Variants in OGDH observed in about 807,000 individuals in gnomAD.
OGDH encodes 2-oxoglutarate dehydrogenase complex component E1.
A neutral mutation model predicts 116.6 loss-of-function variants in OGDH; 38 were observed. The ratio of observed to expected loss-of-function variants is 0.33; its 90% CI spans 0.25 to 0.43. The LOEUF is 0.43. Ranked by LOEUF, OGDH falls within the 20% of genes least tolerant of loss-of-function variation. The pLI is 1.00. For missense variants in OGDH, 825 were observed against 1,357.2 expected (o/e 0.61, Z 6.16); for synonymous variants, 488 against 533.3 (o/e 0.92, Z 1.17).
chr7:44,681,361 G>T (rs1787921687), intron 9 of OGDH, among the ~76,000 whole-genome samples: 2 of 152,330 alleles, frequency 1.3e-5, no homozygotes, highest in South Asian at 4.1e-4. Flanking sequence ...AAAGAGACCT[G>T]GCAAGTGATG....
At position 44,693,035 on chromosome 7, in the gene OGDH, G is replaced by A. The variant is rs559501749; in HGVS notation, c.1336-790G>A. On this transcript the variant is annotated intron_variant, in intron 10 of 22. Transcript: ENST00000222673. ...AAAAAAAAAAAAATTCTTGCTGGGC[G>A]TGGTGGCTCACTCCTGTAATCCCAG... Among the ~76,000 whole-genome samples, 40 of 151,064 alleles carry A rather than the reference G, an allele frequency of 2.6e-4. 1 individual carries two copies. Among genetic ancestry groups the A allele is most frequent in the Admixed American group, 1.5e-3 (22 of 15,154 alleles).
Position 44,701,630 on chromosome 7 carries a change from G to A in OGDH, c.2632+15G>A, listed in dbSNP as rs1788835087. 6.2e-7 allele frequency: 1 copy of A among 1,612,708 alleles called. No individual in the cohort carries two copies. The highest frequency in any genetic ancestry group is 1.1e-5 in the South Asian group (1 of 91,052). ...GATGCTTCCAGGTGGGTGTGAGGGA[G>A]ATGGGCATTTCCTTGGGGGAAGCTA... On this transcript the variant is annotated intron_variant, in intron 20 of 22. Coordinates refer to ENST00000222673, the MANE Select transcript of OGDH (RefSeq NM_002541.4).
intron 2 of OGDH, among the ~76,000 whole-genome samples, chr7:44,641,321 G>C (rs1437398989): frequency 1.3e-5 from 2 of 148,700 alleles, no homozygotes; most frequent in Non-Finnish European, 3.0e-5. Flanking sequence ...TGCCTCCCAG[G>C]TTCAAGCGAT....
chr7:44,614,935 A>G (rs902351563), intron 1 of OGDH, among the ~76,000 whole-genome samples: 4 of 148,212 alleles, frequency 2.7e-5, no homozygotes, highest in African/African-American at 1.0e-4. Context: ...GGTTCAAGCG[A>G]TTCTCCTGCC....
Position 44,697,415 on chromosome 7 carries a change from C to G in OGDH, c.2097C>G (p.Thr699=). 6.2e-7 allele frequency: 1 copy of G among 1,614,232 alleles called. No individual in the cohort carries two copies. The highest frequency in any genetic ancestry group is 8.5e-7 in the Non-Finnish European group (1 of 1,180,040). Residue 699 remains threonine, a synonymous_variant, in exon 16 of 23, where the codon ACC becomes ACG. Transcript: ENST00000222673. This position sits in a 1 kb window ranked among gnomAD's most constrained non-coding sequence, Gnocchi z 6.0. ...ATGACCAGAATGTGGACAAGAGAAC[C>G]TGCATCCCCATGAACCATCTCTGGC... is the stretch of plus-strand genomic sequence containing the variant. ...VLHDQNVDKR[T]CIPMNHLWPN...
At chr7:44,669,665 A>T (rs1263648741) in intron 5 of OGDH, among the ~76,000 whole-genome samples, 1 of 152,160 alleles carries the variant, frequency 6.6e-6, no homozygotes, top group Non-Finnish European at 1.5e-5. Flanking sequence ...GAGGGCCTGA[A>T]GCACATTGAA....
intron 10 of OGDH, 126 bp from the exon 11 acceptor site, chr7:44,693,699 A>C: frequency 3.1e-6 from 2 of 647,934 alleles, no homozygotes; most frequent in South Asian, 3.4e-5. Flanking sequence ...GTAAACAGCC[A>C]TTTTGGGGTA....
intron 4 of OGDH, among the ~76,000 whole-genome samples, chr7:44,664,318 G>A (rs1787086534): frequency 3.3e-5 from 5 of 152,184 alleles, no homozygotes; most frequent in Admixed American, 3.3e-4. Flanking sequence ...AGGACATTTT[G>A]GATTCCCTCT....
chr7:44,689,890 C>A (rs1043727989), intron 10 of OGDH, among the ~76,000 whole-genome samples: 3 of 152,138 alleles, frequency 2.0e-5, no homozygotes, highest in Non-Finnish European at 4.4e-5. Context: ...CATAATTTAT[C>A]TGTTTTTTCT....
At chr7:44,616,649 A>G (rs1192711456) in intron 1 of OGDH, among the ~76,000 whole-genome samples, 2 of 148,874 alleles carry the variant, frequency 1.3e-5, no homozygotes, top group African/African-American at 2.5e-5. Context: ...ATGTATATAT[A>G]CACATATATA....
chr7:44,647,319 T>G, intron 3 of OGDH: 1 of 630,232 alleles, frequency 1.6e-6, no homozygotes, highest in Non-Finnish European at 2.8e-6. Context: ...AAAACTAATT[T>G]TGTCGTATGG....
rs1265579205 is a variant in OGDH, at chr7:44,707,093, G to A, written c.2633-132G>A. On this transcript the variant is annotated intron_variant, in intron 20 of 22. Coordinates refer to ENST00000222673, the MANE Select transcript of OGDH (RefSeq NM_002541.4). The surrounding 1 kb of genome is among the most constrained non-coding windows in gnomAD (Gnocchi z 5.2). ...AGCAAATACAGGGCATCAGAGGCTG[G>A]TGAAGGGGAAGCATCTCTAACCCTT... is the stretch of plus-strand genomic sequence containing the variant. 5.7e-6 allele frequency: 5 copies of A among 879,664 alleles called. No homozygotes were observed. The highest frequency in any genetic ancestry group is 5.2e-6 in the Non-Finnish European group (3 of 577,966). The allele number at this position is 879,664 out of a possible 1,614,324, so 54.5% of individuals were successfully genotyped here.
chr7:44,648,334 T>A (rs566564273), intron 4 of OGDH, among the ~76,000 whole-genome samples: 2 of 152,252 alleles, frequency 1.3e-5, no homozygotes, highest in East Asian at 3.9e-4. Context: ...GGGAGGTGCA[T>A]GTATGGAGCA....
intron 7 of OGDH, 136 bp from the exon 8 acceptor site, chr7:44,675,042 C>G: frequency 1.5e-6 from 1 of 685,704 alleles, no homozygotes; most frequent in South Asian, 1.7e-5. Flanking sequence ...CTCCAGTTTA[C>G]AGCTATCCTT....
intron 1 of OGDH, among the ~76,000 whole-genome samples, chr7:44,616,300 A>G (rs1784764763): frequency 6.6e-6 from 1 of 152,154 alleles, no homozygotes; most frequent in South Asian, 2.1e-4. Flanking sequence ...CAACCTGTTT[A>G]TACCACATCA....
intron 2 of OGDH, among the ~76,000 whole-genome samples, chr7:44,642,521 G>T (rs555746979): frequency 1.3e-5 from 2 of 152,338 alleles, no homozygotes; most frequent in South Asian, 4.1e-4. Flanking sequence ...AATAGGTTTT[G>T]TGGGAGGTGC....
chr7:44,694,430 T>C lies in OGDH; in HGVS notation c.1522T>C (p.Tyr508His). 1 of 1,613,878 alleles carries C rather than the reference T, an allele frequency of 6.2e-7. No homozygotes were observed. Among genetic ancestry groups the C allele is most frequent in the Non-Finnish European group, 8.5e-7 (1 of 1,179,984 alleles). Reference protein sequence around the residue: ...HKDVVVDLVCYRRNGHNEMDE... With the variant: ...HKDVVVDLVCHRRNGHNEMDE... ...CTCTCACTGCTCTGAGCAGGTGTGT[T>C]ACCGGCGCAACGGCCACAACGAGAT... is the stretch of plus-strand genomic sequence containing the variant. Residue 508 changes from tyrosine to histidine, a missense_variant, in exon 12 of 23, where the codon TAC (tyrosine) becomes CAC (histidine). By Grantham distance (83) the Tyr-to-His change is moderately conservative. Around this residue, in one of 7 missense-constraint regions of OGDH, gnomAD observed 146 missense variants for 317.3 expected, o/e 0.46. Coordinates refer to ENST00000222673, the MANE Select transcript of OGDH (RefSeq NM_002541.4). This position sits in a 1 kb window ranked among gnomAD's most constrained non-coding sequence, Gnocchi z 4.2.
rs780113223 is a variant in OGDH at position 44,666,797 on chromosome 7, C to T, written c.579C>T (p.Phe193=). 6.2e-7 allele frequency: 1 copy of T among 1,613,366 alleles called. No homozygotes were observed. The highest frequency in any genetic ancestry group is 8.5e-7 in the Non-Finnish European group (1 of 1,179,656). Residue 193 remains phenylalanine (F), a synonymous_variant, in exon 5 of 23, where the codon TTC becomes TTT. Transcript: ENST00000222673. ...DKVFHLPTTT[F]IGGQESALPL... ...TCTTCCACTTGCCCACCACCACTTT[C>T]ATCGGGGGACAGGAATCAGCACTTC...
intron 10 of OGDH, among the ~76,000 whole-genome samples, chr7:44,689,251 C>T (rs1045652696): frequency 2.8e-5 from 4 of 145,214 alleles, no homozygotes; most frequent in South Asian, 2.2e-4. Context: ...GGTCTTACCC[C>T]GTCACCCACG....
Sources: allele counts gnomAD v4.1 joint callset (sites outside exome capture counted in the v4.1 genomes callset), GRCh38; gene constraint gnomAD v4.1.1; regional missense constraint gnomAD v4.1.1; non-coding constraint Gnocchi (gnomAD v3.1); transcripts MANE v1.5; gene names NCBI Gene and HGNC (gene_info 2026-07-23, HGNC 2026-07-21).